Variants in ATRNL1 observed in about 807,000 individuals in gnomAD.
The protein encoded by ATRNL1 is attractin like 1.
In ATRNL1, 95 loss-of-function variants were observed where a neutral mutation model predicts 182.7. The ratio of observed to expected loss-of-function variants is 0.52; its 90% CI spans 0.44 to 0.62. The LOEUF is 0.62. ATRNL1 is among the 20% of genes least tolerant of loss of function. The pLI is 0.00. For missense variants in ATRNL1, 1,471 were observed against 1,679.5 expected (o/e 0.88, Z 2.17); for synonymous variants, 576 against 568.3 (o/e 1.01, Z -0.19).
intron 26 of ATRNL1, among the ~76,000 whole-genome samples, chr10:115,592,298 G>A (rs1716072816): frequency 6.6e-6 from 1 of 152,128 alleles, no homozygotes. Flanking sequence ...AATCCTGCAC[G>A]TGTACCTCCT....
intron 10 of ATRNL1, among the ~76,000 whole-genome samples, chr10:115,255,112 A>T (rs552146563): frequency 6.6e-6 from 1 of 152,196 alleles, no homozygotes; most frequent in Non-Finnish European, 1.5e-5. Context: ...TTTCTTGGCA[A>T]TGCGGACTCT....
At chr10:115,281,752 G>A (rs565382017) in intron 14 of ATRNL1, among the ~76,000 whole-genome samples, 1 of 151,526 alleles carries the variant, frequency 6.6e-6, no homozygotes, top group Non-Finnish European at 1.5e-5. Context: ...TCTTAAAAAT[G>A]TAGAAAATAA....
At chr10:115,555,796 CTG>C (rs1554996871) in intron 26 of ATRNL1, among the ~76,000 whole-genome samples, 2 of 151,896 alleles carry the variant, frequency 1.3e-5, no homozygotes, top group African/African-American at 2.4e-5. Flanking sequence ...AGAAGATTGA[CTG>C]TGTTATTTGA....
At chr10:115,266,323 T>A (rs1554910668) in intron 11 of ATRNL1, among the ~76,000 whole-genome samples, 1 of 151,792 alleles carries the variant, frequency 6.6e-6, no homozygotes, top group Non-Finnish European at 1.5e-5. Flanking sequence ...GAACTCGGTA[T>A]CTAATTTCAA....
At chr10:115,170,514 A>C (rs1400458223) in intron 7 of ATRNL1, among the ~76,000 whole-genome samples, 1 of 152,154 alleles carries the variant, frequency 6.6e-6, no homozygotes, top group African/African-American at 2.4e-5. Context: ...TTTTTGGTGA[A>C]GAGCACGTGA....
intron 26 of ATRNL1, among the ~76,000 whole-genome samples, chr10:115,647,904 T>C (rs1218578941): frequency 6.6e-6 from 1 of 152,226 alleles, no homozygotes; most frequent in Non-Finnish European, 1.5e-5. Flanking sequence ...GCCTAGGTTT[T>C]CTTCTAGGAT....
chr10:115,136,807 A>G (rs1410453436), intron 5 of ATRNL1, among the ~76,000 whole-genome samples: 3 of 152,158 alleles, frequency 2.0e-5, no homozygotes, highest in African/African-American at 7.2e-5. Flanking sequence ...ATATTCCATT[A>G]TATGGATGTA....
chr10:115,812,334 GT>G (rs1402068054), intron 27 of ATRNL1, among the ~76,000 whole-genome samples: 1 of 152,078 alleles, frequency 6.6e-6, no homozygotes, highest in Non-Finnish European at 1.5e-5. Flanking sequence ...CAAGGTTCTT[GT>G]TTGGATCTTG....
rs181813015 is a variant in ATRNL1 at position 115,572,467 on chromosome 10, A to T, written c.3795+22931A>T. 1.1e-3 allele frequency among the ~76,000 whole-genome samples: 169 copies of T among 152,304 alleles called. 1 individual carries two copies. Among genetic ancestry groups the T allele is most frequent in the Non-Finnish European group, 1.7e-3 (119 of 68,006 alleles). On this transcript the variant is annotated intron_variant, in intron 26 of 28. Coordinates refer to ENST00000355044, the MANE Select transcript of ATRNL1 (RefSeq NM_207303.4). ...AAGACTAATTCTCACTCTACAATCT[A>T]GGGTTTTACCTTCAAAAACTAGGTA...
chr10:115,656,277 T>C (rs74158208), intron 26 of ATRNL1, among the ~76,000 whole-genome samples: 6,462 of 152,272 alleles, frequency 0.042, 198 homozygotes, highest in East Asian at 0.12. Flanking sequence ...TTTCATTCAA[T>C]GTTGTTTTGA....
intron 25 of ATRNL1, among the ~76,000 whole-genome samples, chr10:115,548,111 G>A (rs570060826): frequency 8.5e-4 from 129 of 152,268 alleles, no homozygotes; most frequent in African/African-American, 2.8e-3. Flanking sequence ...GACTTAGTCC[G>A]TGTGGGACTA....
At chr10:115,678,276 A>G (rs1945931650) in intron 26 of ATRNL1, among the ~76,000 whole-genome samples, 1 of 152,156 alleles carries the variant, frequency 6.6e-6, no homozygotes, top group Admixed American at 6.6e-5. Context: ...ACCACTGTAC[A>G]TGTGCAAAAA....
At chr10:115,346,056 C>G (rs1483732317) in intron 19 of ATRNL1, among the ~76,000 whole-genome samples, 2 of 152,036 alleles carry the variant, frequency 1.3e-5, no homozygotes, top group African/African-American at 2.4e-5. Context: ...TATTCAAGTA[C>G]TTTACCTGTT....
chr10:115,832,734 G>C (rs1244431454), intron 27 of ATRNL1, among the ~76,000 whole-genome samples: 1 of 152,154 alleles, frequency 6.6e-6, no homozygotes, highest in Admixed American at 6.5e-5. Context: ...ACCCACAACT[G>C]ATTTATCCAT....
At chr10:115,749,678 C>T (rs1386623913) in intron 27 of ATRNL1, among the ~76,000 whole-genome samples, 2 of 151,662 alleles carry the variant, frequency 1.3e-5, no homozygotes, top group African/African-American at 4.8e-5. Flanking sequence ...CATTATTTGC[C>T]AGGTTTAGAC....
intron 26 of ATRNL1, among the ~76,000 whole-genome samples, chr10:115,668,392 A>G (rs1295733180): frequency 2.6e-5 from 4 of 152,136 alleles, no homozygotes; most frequent in African/African-American, 9.7e-5. Flanking sequence ...ATTGTTCACA[A>G]TATTCTATTA....
chr10:115,512,935 G>A (rs558433361), intron 24 of ATRNL1, among the ~76,000 whole-genome samples: 22 of 152,042 alleles, frequency 1.4e-4, no homozygotes, highest in African/African-American at 5.1e-4. Context: ...TAGAAACCAG[G>A]CTTGTCCAAC....
At chr10:115,176,214 C>G (rs372341641) in intron 8 of ATRNL1, among the ~76,000 whole-genome samples, 1 of 151,734 alleles carries the variant, frequency 6.6e-6, no homozygotes, top group Non-Finnish European at 1.5e-5. Flanking sequence ...TAGCCCTTTG[C>G]CAGATGAGTA....
chr10:115,316,025 G>A (rs1035214726), intron 18 of ATRNL1, among the ~76,000 whole-genome samples: 5 of 152,076 alleles, frequency 3.3e-5, no homozygotes, highest in Non-Finnish European at 5.9e-5. Context: ...GGATACATGT[G>A]CAGAACGTGC....
Sources: allele counts gnomAD v4.1 joint callset (sites outside exome capture counted in the v4.1 genomes callset), GRCh38; gene constraint gnomAD v4.1.1; transcripts MANE v1.5; gene names NCBI Gene and HGNC (gene_info 2026-07-23, HGNC 2026-07-21).